Variants in BAIAP3 observed in about 807,000 individuals in gnomAD.
BAIAP3 encodes the protein BAI1 associated protein 3.
In BAIAP3, 180 loss-of-function variants were observed where a neutral mutation model predicts 149.7. The observed-to-expected ratio is 1.20, with a 90% CI of 1.07 to 1.36. The LOEUF (loss-of-function observed/expected upper bound fraction) is 1.36. BAIAP3 is among the 40% of genes most tolerant of loss of function. BAIAP3 has a pLI of 0.00. For missense variants in BAIAP3, 1,767 were observed against 1,563.4 expected (o/e 1.13, Z -2.20); for synonymous variants, 845 against 670.7 (o/e 1.26, Z -4.02).
intron 27 of BAIAP3, 80 bp from the exon 28 acceptor site, chr16:1,346,767 G>A: frequency 1.3e-6 from 2 of 1,529,814 alleles, no homozygotes; most frequent in Middle Eastern, 2.2e-4. Context: ...CCCTGTGGGA[G>A]CTACTCCTCC....
rs376257369 is a variant in BAIAP3, at chr16:1,346,199, C to T, written c.2331C>T (p.Leu777=). 49 of 1,611,928 alleles carry T rather than the reference C, an allele frequency of 3.0e-5. No homozygotes were observed. The highest frequency in any genetic ancestry group is 1.6e-4 in the Middle Eastern group (1 of 6,078). ...ALCVVLNNVE[L]VRKAAGQALK... is the part of the protein sequence containing the mutation. Reference sequence around the variant, plus strand: ...GCGTGGTCCTCAACAATGTGGAGCTCGTGCGCAAGGCTGCTGGGCAGGCCT... The same window carrying T: ...GCGTGGTCCTCAACAATGTGGAGCTTGTGCGCAAGGCTGCTGGGCAGGCCT... The change falls in exon 25 of 34, where the codon CTC becomes CTT. Residue 777 remains leucine (L), a synonymous_variant. Coordinates refer to ENST00000426824, the MANE Select transcript of BAIAP3 (RefSeq NM_001199097.2).
chr16:1,338,477 T>A, intron 1 of BAIAP3, 63 bp from the exon 2 acceptor site: 1 of 103,398 alleles, frequency 9.7e-6, no homozygotes, highest in South Asian at 7.0e-5. Flanking sequence ...CCCCCCCGCC[T>A]GCTGTGGTGC....
chr16:1,344,121 G>A lies in BAIAP3; in HGVS notation c.1486G>A (p.Val496Ile). The A allele has an allele frequency of 1.2e-6, 2 of 1,611,962 alleles. No individual in the cohort carries two copies. Among genetic ancestry groups the A allele is most frequent in the Non-Finnish European group, 1.7e-6 (2 of 1,179,822 alleles). ...DYFPATNSTA[V>I]HRLELLLKCL... ...CTTCCCTGCCACCAACAGCACCGCTGTCCACCGCCTGGAGCTGCTGCTGAA... is the reference window on the plus strand; with the variant it reads ...CTTCCCTGCCACCAACAGCACCGCTATCCACCGCCTGGAGCTGCTGCTGAA... The change falls in exon 16 of 34, where the codon GTC (valine) becomes ATC (isoleucine). Residue 496 changes from valine to isoleucine, a missense_variant. Coordinates refer to ENST00000426824, the MANE Select transcript of BAIAP3 (RefSeq NM_001199097.2).
intron 26 of BAIAP3, 40 bp from the exon 27 acceptor site, chr16:1,346,565 A>T: frequency 6.3e-7 from 1 of 1,575,288 alleles, no homozygotes. Flanking sequence ...GGTAGGGCAG[A>T]GGTGCGGGGT....
rs533610710 is a variant in BAIAP3, at chr16:1,343,309, G to A, written c.1266-84G>A. On this transcript the variant is annotated intron_variant, in intron 14 of 33. Coordinates refer to ENST00000426824, the MANE Select transcript of BAIAP3 (RefSeq NM_001199097.2). Reference sequence around the variant, plus strand: ...GGCAGTGCTGATTGGGTGGGGCAGAGAAAGGGGTAGTGCTGTAGGCGGTGC... The same window carrying A: ...GGCAGTGCTGATTGGGTGGGGCAGAAAAAGGGGTAGTGCTGTAGGCGGTGC... The A allele has an allele frequency of 3.5e-5, 53 of 1,516,094 alleles. No homozygotes were observed. The Admixed American group carries it at 9.9e-4, about 28-fold the overall frequency. 93.9% of individuals were successfully genotyped at this position (1,516,094 alleles called of 1,614,324 possible).
In BAIAP3 at chr16:1,342,025, G is replaced by C. The variant is rs1468728325; in HGVS notation, c.816G>C (p.Arg272Ser). The C allele has an allele frequency of 1.1e-5, 17 of 1,607,182 alleles. No individual in the cohort carries two copies. Among genetic ancestry groups the C allele is most frequent in the African/African-American group, 1.3e-5 (1 of 74,800 alleles). Residue 272 changes from arginine to serine, a missense_variant, in exon 10 of 34, where the codon AGG becomes AGC. Physicochemically the swap from Arg to Ser is moderately radical, Grantham distance 110. Transcript: ENST00000426824. ...DDDVSLVEAC[R>S]KLNEVIGLKG... is the part of the protein sequence containing the mutation. ...ATGTATCCCTGGTAGAAGCGTGCAG[G>C]AAGCTGAATGAAGTCATCGGCCTGA...
Position 1,346,445 on chromosome 16 carries a change from G to A in BAIAP3, c.2497G>A (p.Val833Met), listed in dbSNP as rs146163795. 15 of 1,612,332 alleles carry A rather than the reference G, an allele frequency of 9.3e-6. No individual in the cohort carries two copies. In the African/African-American group the frequency reaches 1.6e-4, roughly 17 times the overall value. Residue 833 changes from valine (V) to methionine (M), a missense_variant, in exon 26 of 34, where the codon GTG (valine) becomes ATG (methionine). Physicochemically the swap from Val to Met is conservative, Grantham distance 21 (BLOSUM62 1). Coordinates refer to ENST00000426824, the MANE Select transcript of BAIAP3 (RefSeq NM_001199097.2). ...TVTAHLTSKM[V>M]GDIRKYVQHI... The stretch of plus-strand genomic sequence containing the variant: ...TGAGCACTGCTCCTGCCCTCAGATG[G>A]TGGGCGACATCCGCAAGTATGTACA...
At position 1,346,517 on chromosome 16, in the gene BAIAP3, G is replaced by C. The variant is rs1404663335; in HGVS notation, c.2562+7G>C. ...CTCCATCCAGAACGATGAGGTGAGT[G>C]CCGGGGCGAGGGGCCGTGGAGGACT... On this transcript the variant is annotated splice_region_variant and intron_variant, in intron 26 of 33. Coordinates refer to ENST00000426824, the MANE Select transcript of BAIAP3 (RefSeq NM_001199097.2). 6.2e-6 allele frequency: 10 copies of C among 1,607,884 alleles called. No homozygotes were observed. Among genetic ancestry groups the C allele is most frequent in the African/African-American group, 1.3e-5 (1 of 74,870 alleles).
chr16:1,337,685 G>A (rs1402407225), intron 1 of BAIAP3, among the ~76,000 whole-genome samples: 1 of 152,244 alleles, frequency 6.6e-6, no homozygotes, highest in Non-Finnish European at 1.5e-5. Context: ...TGCTGCTGCT[G>A]CTGCTCCAAG....
chr16:1,334,317 G>A (rs1042712584), intron 1 of BAIAP3, among the ~76,000 whole-genome samples: 4 of 152,158 alleles, frequency 2.6e-5, no homozygotes, highest in African/African-American at 9.7e-5. Context: ...CTCCGGGGGA[G>A]GAGTTTAAAG....
chr16:1,335,496 C>T (rs547441752), intron 1 of BAIAP3, among the ~76,000 whole-genome samples: 24 of 152,326 alleles, frequency 1.6e-4, no homozygotes, highest in African/African-American at 4.8e-4. Context: ...ACTCCTGCCC[C>T]GTAAGTGCTG....
chr16:1,335,157 C>T (rs539377211), intron 1 of BAIAP3, among the ~76,000 whole-genome samples: 4 of 152,340 alleles, frequency 2.6e-5, no homozygotes, highest in African/African-American at 4.8e-5. Flanking sequence ...CTGGGCAAGT[C>T]GCCCCCACCC....
chr16:1,344,287 G>C lies in BAIAP3; in HGVS notation c.1572G>C (p.Glu524Asp), dbSNP rs747823633. 9.9e-6 allele frequency: 16 copies of C among 1,613,802 alleles called. No homozygotes were observed. The highest frequency in any genetic ancestry group is 1.3e-5 in the African/African-American group (1 of 74,930). Residue 524 changes from glutamate (E) to aspartate (D), a missense_variant, in exon 17 of 34, where the codon GAG becomes GAC. Transcript: ENST00000426824. Reference sequence around the variant, plus strand: ...TTGAGATCTGCCCCTTCGAGTCGGAGCTGAACATGGACATTGCTGCGGCCC... The same window carrying C: ...TTGAGATCTGCCCCTTCGAGTCGGACCTGAACATGGACATTGCTGCGGCCC... Reference protein sequence around the residue: ...PSFEICPFESELNMDIAAALK... With the variant: ...PSFEICPFESDLNMDIAAALK...
In BAIAP3 at chr16:1,340,961, G is replaced by T; in HGVS notation, c.448G>T (p.Glu150Ter). Residue 150 changes from glutamate (E) to a stop codon, truncating the protein, a stop_gained, in exon 6 of 34, where the codon GAG becomes TAG. Transcript: ENST00000426824. LOFTEE classifies it high-confidence loss of function. The part of the protein sequence containing the change: ...TSLEEHTEAI[E>*]RVRKAKAPTY... ...CCTTGAGGAGCACACTGAGGCCATC[G>T]AGCGAGTGAGGAAGGCCAAGGTGAG... 6.3e-7 allele frequency: 1 copy of T among 1,589,192 alleles called. No homozygotes were observed. The highest frequency in any genetic ancestry group is 1.1e-5 in the South Asian group (1 of 88,258).
rs751696341 is a variant in BAIAP3 at position 1,339,573 on chromosome 16, C to T, written c.378C>T (p.Asp126=). ...AGTMGPDQVD[D]EEALLSYLQQ... ...CCATGGGCCCTGACCAGGTGGACGA[C>T]GAGGAGGCCCTGCTCAGCTATCTCC... The change falls in exon 5 of 34, where the codon GAC becomes GAT. Residue 126 remains aspartate (D), a synonymous_variant. Transcript: ENST00000426824. 23 of 1,612,438 alleles carry T rather than the reference C, an allele frequency of 1.4e-5. No individual in the cohort carries two copies. The East Asian group carries it at 2.2e-4, about 16-fold the overall frequency.
rs1233220622 is a variant in BAIAP3, at chr16:1,345,965, C to G, written c.2209-21C>G. 2.5e-6 allele frequency: 4 copies of G among 1,593,340 alleles called. No homozygotes were observed. The African/African-American group carries it at 5.4e-5, about 21-fold the overall frequency. Reference sequence around the variant, plus strand: ...GGGCAGGGGAGGGCTCCATGGCTCCCCACCGCCATCCCCTCCTCAGGACGT... The same window carrying G: ...GGGCAGGGGAGGGCTCCATGGCTCCGCACCGCCATCCCCTCCTCAGGACGT... On this transcript the variant is annotated intron_variant, in intron 23 of 33. Transcript: ENST00000426824.
chr16:1,343,953 C>A, intron 15 of BAIAP3, 69 bp from the exon 16 acceptor site: 1 of 1,593,366 alleles, frequency 6.3e-7, no homozygotes, highest in South Asian at 1.1e-5. Flanking sequence ...CGGGCCAAGG[C>A]AGGGAGGATG....
Position 1,347,711 on chromosome 16 carries a change from A to G in BAIAP3, c.2915A>G (p.Glu972Gly), listed in dbSNP as rs1337111654. Residue 972 changes from glutamate (E) to glycine (G), a missense_variant, in exon 31 of 34, where the codon GAG (glutamate) becomes GGG (glycine). Transcript: ENST00000426824. ...YLDKLKQRTL[E>G]QNRFGRLSVR... Reference sequence around the variant, plus strand: ...CCCGCCTTTCCGCAGAGGACCCTGGAGCAGAACCGGTTTGGACGCCTGAGC... The same window carrying G: ...CCCGCCTTTCCGCAGAGGACCCTGGGGCAGAACCGGTTTGGACGCCTGAGC... The G allele has an allele frequency of 6.2e-7, 1 of 1,610,834 alleles. No individual in the cohort carries two copies. The highest frequency in any genetic ancestry group is 2.2e-5 in the East Asian group (1 of 44,792).
In BAIAP3 at chr16:1,341,109, C is replaced by T. The variant is rs1020665288; in HGVS notation, c.469-20C>T. 9 of 1,610,838 alleles carry T rather than the reference C, an allele frequency of 5.6e-6. No individual in the cohort carries two copies. In the African/African-American group the frequency reaches 9.3e-5, roughly 17 times the overall value. On this transcript the variant is annotated intron_variant, in intron 6 of 33. Coordinates refer to ENST00000426824, the MANE Select transcript of BAIAP3 (RefSeq NM_001199097.2). ...GGGCAGCTCAGCCTCACCAGGCCCCCCACGCCCCTCTGTCCACAGGCCCCC... is the reference window on the plus strand; with the variant it reads ...GGGCAGCTCAGCCTCACCAGGCCCCTCACGCCCCTCTGTCCACAGGCCCCC...
Sources: gnomAD v4.1 joint callset for allele counts (sites outside exome capture counted in the v4.1 genomes callset) on GRCh38, gnomAD v4.1.1 for gene constraint, MANE v1.5 for transcripts, NCBI Gene and HGNC (gene_info 2026-07-23, HGNC 2026-07-21) for gene names.